The following ZBTB7C variants were observed in gnomAD, a reference collection of about 807,000 sequenced individuals.
ZBTB7C encodes zinc finger and BTB domain containing 7C.
A neutral mutation model predicts 25.7 loss-of-function variants in ZBTB7C; 8 were observed. That is an observed-to-expected ratio of 0.31 (90% CI 0.18 to 0.56). ZBTB7C has a LOEUF of 0.56. Among genes scored for constraint, ZBTB7C ranks in the 20% least tolerant of loss-of-function variants. The pLI is 0.91. For synonymous variants in ZBTB7C, 394 were observed against 369.0 expected, an observed-to-expected ratio of 1.07 and a Z score of -0.78; for missense variants, 824 against 855.2, an observed-to-expected ratio of 0.96 and a Z score of 0.46.
chr18:48,287,031 C>A (rs915500227), intron 2 of ZBTB7C, among the ~76,000 whole-genome samples: 8 of 151,636 alleles, frequency 5.3e-5, no homozygotes, highest in African/African-American at 1.9e-4. Flanking sequence ...ACAAAAAAAA[C>A]TGACCAGAAG....
intron 2 of ZBTB7C, among the ~76,000 whole-genome samples, chr18:48,303,903 A>G (rs2045602522): frequency 6.6e-6 from 1 of 152,220 alleles, no homozygotes; most frequent in Non-Finnish European, 1.5e-5. Context: ...TGGTTCTGTG[A>G]TAAGAGTAGC....
At chr18:48,233,652 A>T (rs1208221954) in intron 2 of ZBTB7C, among the ~76,000 whole-genome samples, 1 of 152,212 alleles carries the variant, frequency 6.6e-6, no homozygotes, top group East Asian at 1.9e-4. Flanking sequence ...GCTACAACAT[A>T]AGCCAAATCG....
Position 48,029,917 on chromosome 18 carries a change from A to G in ZBTB7C, c.1209-6T>C, listed in dbSNP as rs773415114. 10 of 1,610,358 alleles carry G rather than the reference A, an allele frequency of 6.2e-6. No homozygotes were observed. The highest frequency in any genetic ancestry group is 4.0e-5 in the African/African-American group (3 of 74,934). On this transcript the variant is annotated splice_polypyrimidine_tract_variant and splice_region_variant and intron_variant, in intron 4 of 4. Transcript: ENST00000590800. Reference sequence around the variant, plus strand: ...GGATTTTCAGCTTGTCCTGCCTGCAATGCAGAGACTGGGGGTCAGTCCCGC... The same window carrying G: ...GGATTTTCAGCTTGTCCTGCCTGCAGTGCAGAGACTGGGGGTCAGTCCCGC...
rs2035541833 is a variant in ZBTB7C, at chr18:48,026,859, A to G, written c.*2401T>C. On this transcript the variant is annotated 3_prime_UTR_variant, in exon 5 of 5. Coordinates refer to ENST00000590800, the MANE Select transcript of ZBTB7C (RefSeq NM_001318841.2). ...TGAACTTTCAGAAGTCACATCTCAC[A>G]GAAGTGCAACTCTCAATATAATTTA... The G allele has an allele frequency of 6.6e-6, 1 of 152,068 alleles. No individual in the cohort carries two copies. 9.4% of individuals were successfully genotyped at this position (152,068 alleles called of 1,614,324 possible).
chr18:48,157,886 G>A (rs978555286), intron 3 of ZBTB7C, among the ~76,000 whole-genome samples: 1 of 152,208 alleles, frequency 6.6e-6, no homozygotes, highest in Non-Finnish European at 1.5e-5. Flanking sequence ...CACCACGTGT[G>A]TGCCCCATCC....
At chr18:48,378,072 A>G (rs1286652243) in intron 1 of ZBTB7C, among the ~76,000 whole-genome samples, 4 of 151,948 alleles carry the variant, frequency 2.6e-5, no homozygotes. Flanking sequence ...AATCACTTGA[A>G]CCCGGGAGGC....
At chr18:48,351,768 C>A (rs1440764032) in intron 1 of ZBTB7C, among the ~76,000 whole-genome samples, 1 of 152,188 alleles carries the variant, frequency 6.6e-6, no homozygotes, top group Non-Finnish European at 1.5e-5. Context: ...GCAGCCAGAG[C>A]CAGGCCTACG....
rs1193379251 is a variant in ZBTB7C, at chr18:48,367,198, TATATACACACACAC to T, written c.-303-28814_-303-28801del. Among the ~76,000 whole-genome samples, 14 of 60,966 alleles carry T rather than the reference TATATACACACACAC, an allele frequency of 2.3e-4. 2 individuals are homozygous for T. Among genetic ancestry groups the T allele is most frequent in the Non-Finnish European group, 2.2e-4 (7 of 31,354 alleles). The allele number at this position is 60,966 out of a possible 152,430, so 40.0% of individuals were successfully genotyped here. A position where few individuals can be genotyped will look rare whatever the true frequency, so the allele number is the denominator to read the frequency against. On this transcript the variant is annotated intron_variant, in intron 1 of 4. Transcript: ENST00000590800. ...TTTTATATATATATATATATATATA[TATATACACACACAC>T]ACACACACACACACACACACATACA...
At chr18:48,262,790 C>A (rs2044207791) in intron 2 of ZBTB7C, among the ~76,000 whole-genome samples, 1 of 152,110 alleles carries the variant, frequency 6.6e-6, no homozygotes, top group African/African-American at 2.4e-5. Flanking sequence ...CCAGATGGGG[C>A]AGTTTCAGGC....
chr18:48,347,985 C>A (rs777918958), intron 1 of ZBTB7C, among the ~76,000 whole-genome samples: 1 of 152,224 alleles, frequency 6.6e-6, no homozygotes, highest in Non-Finnish European at 1.5e-5. Context: ...GAGCCCACAG[C>A]CCTGTTGGCC....
rs998506744 is a variant in ZBTB7C, at chr18:48,316,344, C to G, written c.-79+21830G>C. On this transcript the variant is annotated intron_variant, in intron 2 of 4. Coordinates refer to ENST00000590800, the MANE Select transcript of ZBTB7C (RefSeq NM_001318841.2). ...TCTGAAGAGCCGGGACCCCATCTCCCCACCACTCCTCCTCCACCCCCAGCC... is the reference window on the plus strand; with the variant it reads ...TCTGAAGAGCCGGGACCCCATCTCCGCACCACTCCTCCTCCACCCCCAGCC... Among the ~76,000 whole-genome samples, 25 of 152,290 alleles carry G rather than the reference C, an allele frequency of 1.6e-4. 1 individual carries two copies. Among genetic ancestry groups the G allele is most frequent in the African/African-American group, 5.8e-4 (24 of 41,556 alleles).
At chr18:48,071,761 G>A (rs1194207883) in intron 3 of ZBTB7C, among the ~76,000 whole-genome samples, 1 of 152,200 alleles carries the variant, frequency 6.6e-6, no homozygotes, top group Non-Finnish European at 1.5e-5. Context: ...TGGATGAATG[G>A]GGAAACCAAA....
At chr18:48,204,119 T>G (rs1306080668) in intron 2 of ZBTB7C, among the ~76,000 whole-genome samples, 1 of 152,226 alleles carries the variant, frequency 6.6e-6, no homozygotes, top group African/African-American at 2.4e-5. Flanking sequence ...TTTGCATTCC[T>G]TCCACCTCTG....
At chr18:48,209,572 T>A (rs910329560) in intron 2 of ZBTB7C, among the ~76,000 whole-genome samples, 2 of 152,048 alleles carry the variant, frequency 1.3e-5, no homozygotes, top group African/African-American at 2.4e-5. Context: ...CCAGGCAACA[T>A]AGTGAGACAC....
At chr18:48,109,941 C>T (rs991301101) in intron 3 of ZBTB7C, among the ~76,000 whole-genome samples, 10 of 152,132 alleles carry the variant, frequency 6.6e-5, no homozygotes, top group African/African-American at 2.2e-4. Context: ...ATTTCCTGGA[C>T]GTTCCATGGG....
At chr18:48,190,243 A>G (rs2042160917) in intron 2 of ZBTB7C, among the ~76,000 whole-genome samples, 1 of 152,232 alleles carries the variant, frequency 6.6e-6, no homozygotes, top group Non-Finnish European at 1.5e-5. Flanking sequence ...CTAAGTGTGA[A>G]TCAAGACTCT....
intron 3 of ZBTB7C, among the ~76,000 whole-genome samples, chr18:48,162,631 G>C (rs2041103339): frequency 6.6e-6 from 1 of 152,130 alleles, no homozygotes; most frequent in Non-Finnish European, 1.5e-5. Flanking sequence ...ATGTGGGGTT[G>C]AATCCTGGCC....
chr18:48,029,802 G>A lies in ZBTB7C; in HGVS notation c.1318C>T (p.Arg440Cys), dbSNP rs2035665807. The change falls in exon 5 of 5, where the codon CGC (arginine) becomes TGC (cysteine). Residue 440 changes from arginine (R) to cysteine (C), a missense_variant. Physicochemically the swap from Arg to Cys is radical, Grantham distance 180. This residue lies in a region of ZBTB7C where 342 missense variants were observed against 307.0 expected (regional missense o/e 1.11). Transcript: ENST00000590800. ...TAGGGCCGCACGCCCGTGTGGATGC[G>A]CATGTGGTTCTTGAGGTCGTAGTTG... The part of the protein sequence containing the change: ...VHNYDLKNHM[R>C]IHTGVRPYQC... The A allele has an allele frequency of 6.2e-7, 1 of 1,608,914 alleles. No individual in the cohort carries two copies. The highest frequency in any genetic ancestry group is 8.5e-7 in the Non-Finnish European group (1 of 1,180,014).
At chr18:48,367,202 T>TATATATATATATATACACACAC (rs1302394192) in intron 1 of ZBTB7C, among the ~76,000 whole-genome samples, 5 of 63,398 alleles carry the variant, frequency 7.9e-5, no homozygotes, top group African/African-American at 3.1e-4. Flanking sequence ...TATATATATA[T>TATATATATATATATACACACAC]ACACACACAC....
Sources: gnomAD v4.1 joint callset for allele counts (sites outside exome capture counted in the v4.1 genomes callset) on GRCh38, gnomAD v4.1.1 for gene constraint, gnomAD v4.1.1 regional missense constraint, MANE v1.5 for transcripts, NCBI Gene and HGNC (gene_info 2026-07-23, HGNC 2026-07-21) for gene names.